Variants in KLHL6 observed in about 807,000 individuals in gnomAD.
The protein encoded by KLHL6 is kelch-like protein 6.
A neutral mutation model predicts 58.6 loss-of-function variants in KLHL6; 41 were observed. That is an observed-to-expected ratio of 0.70 (90% CI 0.55 to 0.91). KLHL6 has a LOEUF of 0.91. KLHL6 is among the 40% of genes least tolerant of loss of function. The probability of loss-of-function intolerance (pLI) is 0.00; values close to 1 mark genes in which losing one functional copy is unlikely to be tolerated. For synonymous variants in KLHL6, 338 were observed against 322.7 expected (o/e 1.05, Z -0.51); for missense variants, 714 against 805.6 (o/e 0.89, Z 1.38).
In KLHL6 at chr3:183,541,317, G is replaced by A. The variant is rs1220505224; in HGVS notation, c.294-13307C>T. Among the ~76,000 whole-genome samples the A allele has an allele frequency of 2.0e-5, 3 of 152,312 alleles. No individual in the cohort carries two copies. In the East Asian group the frequency reaches 5.8e-4, roughly 29 times the overall value. ...CATGATACAGAATCCAGAGGGAAAG[G>A]GACAGAAGACAGGAGCTCCTCCAGC... On this transcript the variant is annotated intron_variant, in intron 1 of 6. Coordinates refer to ENST00000341319, the MANE Select transcript of KLHL6 (RefSeq NM_130446.4).
intron 2 of KLHL6, among the ~76,000 whole-genome samples, chr3:183,518,023 T>C (rs2108679925): frequency 6.6e-6 from 1 of 152,282 alleles, no homozygotes; most frequent in African/African-American, 2.4e-5. Context: ...AGGTTCTCTC[T>C]GCCTGGAATA....
chr3:183,538,452 C>T (rs531989934), intron 1 of KLHL6, among the ~76,000 whole-genome samples: 2 of 152,316 alleles, frequency 1.3e-5, no homozygotes, highest in South Asian at 4.1e-4. Flanking sequence ...ATACCAGGAA[C>T]GAACTCCCCT....
At chr3:183,493,891 T>C in intron 5 of KLHL6, 188 bp downstream of exon 5, 1 of 628,010 alleles carries the variant, frequency 1.6e-6, no homozygotes, top group Non-Finnish European at 2.8e-6. Flanking sequence ...ACATTGTTTC[T>C]GTGACTTGAT....
At chr3:183,552,187 C>G (rs1451462748) in intron 1 of KLHL6, 1 of 152,116 alleles carries the variant, frequency 6.6e-6, no homozygotes, top group Non-Finnish European at 1.5e-5. Context: ...CAGCAAACCC[C>G]CTTCAAGAAA....
chr3:183,536,431 C>A (rs114373613), intron 1 of KLHL6, among the ~76,000 whole-genome samples: 5,578 of 152,206 alleles, frequency 0.037, 324 homozygotes, highest in African/African-American at 0.13. Flanking sequence ...GTGCACAAGC[C>A]AAGGGACTTC....
chr3:183,501,964 T>C (rs902963200), intron 3 of KLHL6, among the ~76,000 whole-genome samples: 4 of 152,286 alleles, frequency 2.6e-5, no homozygotes, highest in African/African-American at 9.6e-5. Context: ...GAATAGTACC[T>C]GGAGCTTGTG....
chr3:183,522,416 A>G (rs1379896716), intron 2 of KLHL6: 1 of 152,232 alleles, frequency 6.6e-6, no homozygotes, highest in Non-Finnish European at 1.5e-5. Context: ...TAATGCTTAC[A>G]GTAGCCACAC....
At chr3:183,548,256 G>C (rs1261648745) in intron 1 of KLHL6, among the ~76,000 whole-genome samples, 1 of 152,174 alleles carries the variant, frequency 6.6e-6, no homozygotes, top group Non-Finnish European at 1.5e-5. Flanking sequence ...TGCAAAATAT[G>C]GCACACTCTG....
intron 3 of KLHL6, among the ~76,000 whole-genome samples, chr3:183,503,053 C>T (rs780112346): frequency 1.3e-5 from 2 of 152,202 alleles, no homozygotes; most frequent in Non-Finnish European, 2.9e-5. Flanking sequence ...AAGTCTGAGA[C>T]GTGCCACTTT....
chr3:183,494,664 G>A (rs574746974), intron 4 of KLHL6, among the ~76,000 whole-genome samples: 10 of 152,286 alleles, frequency 6.6e-5, no homozygotes, highest in African/African-American at 1.7e-4. Flanking sequence ...AAGGCTGGGC[G>A]GGGACAGTGG....
Position 183,508,394 on chromosome 3 carries a change from G to A in KLHL6, c.574C>T (p.Gln192Ter). Residue 192 changes from glutamine to a stop codon, truncating the protein, a stop_gained, in exon 3 of 7, where the codon CAG becomes TAG. Coordinates refer to ENST00000341319, the MANE Select transcript of KLHL6 (RefSeq NM_130446.4). LOFTEE classifies it high-confidence loss of function. Reference sequence around the variant, plus strand: ...TTTTGAATGATGTAACTCTGAACCTGCTTCTTTAGACTGTCCAGCGAGTGT... The same window carrying A: ...TTTTGAATGATGTAACTCTGAACCTACTTCTTTAGACTGTCCAGCGAGTGT... ...DTHSLDSLKK[Q>*]VQSYIIQNFV... The A allele has an allele frequency of 6.2e-7, 1 of 1,614,214 alleles. No homozygotes were observed. Among genetic ancestry groups the A allele is most frequent in the Non-Finnish European group, 8.5e-7 (1 of 1,180,022 alleles).
chr3:183,495,800 T>C (rs1454026548), intron 4 of KLHL6, among the ~76,000 whole-genome samples: 2 of 152,132 alleles, frequency 1.3e-5, no homozygotes, highest in Non-Finnish European at 2.9e-5. Flanking sequence ...GCTTTCCTTA[T>C]CAAATATTAA....
intron 2 of KLHL6, among the ~76,000 whole-genome samples, chr3:183,516,794 G>A (rs777949355): frequency 2.6e-5 from 4 of 152,110 alleles, no homozygotes; most frequent in Non-Finnish European, 5.9e-5. Flanking sequence ...TATTGCAAAG[G>A]GTCTATAAAG....
chr3:183,490,302 A>G lies in KLHL6; in HGVS notation c.*1625T>C, dbSNP rs1297250803. The G allele has an allele frequency of 1.3e-5, 2 of 152,326 alleles. No individual in the cohort carries two copies. Among genetic ancestry groups the G allele is most frequent in the Middle Eastern group, 3.4e-3 (1 of 294 alleles). The allele number at this position is 152,326 out of a possible 1,614,324, so 9.4% of individuals were successfully genotyped here. A position where few individuals can be genotyped will look rare whatever the true frequency, so the allele number is the denominator to read the frequency against. On this transcript the variant is annotated 3_prime_UTR_variant, in exon 7 of 7. Coordinates refer to ENST00000341319, the MANE Select transcript of KLHL6 (RefSeq NM_130446.4). The stretch of plus-strand genomic sequence containing the variant: ...CTGTGTAAAAACTAGAAAGTGTACC[A>G]TCAAGGAGAATCTGTCGCTCCTGTG...
At chr3:183,553,812 A>G (rs973851945) in intron 1 of KLHL6, among the ~76,000 whole-genome samples, 3 of 152,144 alleles carry the variant, frequency 2.0e-5, no homozygotes, top group African/African-American at 7.2e-5. Context: ...ATGCTGTTAC[A>G]AAAATAAAAT....
At chr3:183,525,465 G>A (rs1479268836) in intron 2 of KLHL6, among the ~76,000 whole-genome samples, 4 of 152,158 alleles carry the variant, frequency 2.6e-5, no homozygotes, top group Non-Finnish European at 5.9e-5. Flanking sequence ...CTGGAAATAT[G>A]CTGTACTTTG....
chr3:183,498,850 C>G (rs73070582), intron 4 of KLHL6, among the ~76,000 whole-genome samples: 1 of 152,104 alleles, frequency 6.6e-6, no homozygotes, highest in African/African-American at 2.4e-5. Flanking sequence ...AAGTATTGGG[C>G]CCTACTGAAC....
At chr3:183,533,375 G>T (rs1712222608) in intron 1 of KLHL6, among the ~76,000 whole-genome samples, 1 of 146,634 alleles carries the variant, frequency 6.8e-6, no homozygotes, top group African/African-American at 2.5e-5. Context: ...CTGGCCTCAA[G>T]TGACCCTCTT....
rs1717795649 is a variant in KLHL6, at chr3:183,499,134, G to A, written c.1147+456C>T. On this transcript the variant is annotated intron_variant, in intron 4 of 6. Coordinates refer to ENST00000341319, the MANE Select transcript of KLHL6 (RefSeq NM_130446.4). The surrounding 1 kb of genome is among the most constrained non-coding windows in gnomAD (Gnocchi z 4.6). ...AAGCTGGTGCATCACCTATGGTCAGGAGTTCAAGACCAGCCTGGCCAACAT... is the reference window on the plus strand; with the variant it reads ...AAGCTGGTGCATCACCTATGGTCAGAAGTTCAAGACCAGCCTGGCCAACAT... 6.6e-6 allele frequency among the ~76,000 whole-genome samples: 1 copy of A among 152,142 alleles called. No homozygotes were observed. Among genetic ancestry groups the A allele is most frequent in the African/African-American group, 2.4e-5 (1 of 41,432 alleles).
Sources: allele counts gnomAD v4.1 joint callset (sites outside exome capture counted in the v4.1 genomes callset), GRCh38; gene constraint gnomAD v4.1.1; non-coding constraint Gnocchi (gnomAD v3.1); transcripts MANE v1.5; gene names NCBI Gene and HGNC (gene_info 2026-07-23, HGNC 2026-07-21).